Variants in HNRNPD observed in about 807,000 individuals in gnomAD.
The protein encoded by HNRNPD is heterogeneous nuclear ribonucleoprotein D0.
HNRNPD carries 3 observed loss-of-function variants against 47.9 expected under a neutral mutation model. The observed-to-expected ratio is 0.06, with a 90% CI of 0.03 to 0.16. The LOEUF (loss-of-function observed/expected upper bound fraction) is 0.16. Ranked by LOEUF, HNRNPD falls within the 10% of genes least tolerant of loss-of-function variation. HNRNPD has a pLI of 1.00. For missense variants in HNRNPD, 287 were observed against 454.2 expected, an observed-to-expected ratio of 0.63 and a Z score of 3.35; for synonymous variants, 171 against 165.1, an observed-to-expected ratio of 1.04 and a Z score of -0.28.
In HNRNPD at chr4:82,364,403, G is replaced by A. The variant is rs543744554; in HGVS notation, c.291-4764C>T. 7.2e-5 allele frequency among the ~76,000 whole-genome samples: 11 copies of A among 152,316 alleles called. No individual in the cohort carries two copies. In the East Asian group the frequency reaches 1.5e-3, roughly 21 times the overall value. Reference sequence around the variant, plus strand: ...TAACACACTTAAAGGACACAGAATAGTCTGACACACATCCTAAATGATTGA... The same window carrying A: ...TAACACACTTAAAGGACACAGAATAATCTGACACACATCCTAAATGATTGA... On this transcript the variant is annotated intron_variant, in intron 2 of 8. Transcript: ENST00000313899.
Position 82,373,726 on chromosome 4 carries a change from C to G in HNRNPD, c.-48G>C. 7 of 1,529,906 alleles carry G rather than the reference C, an allele frequency of 4.6e-6. No individual in the cohort carries two copies. The highest frequency in any genetic ancestry group is 6.1e-6 in the Non-Finnish European group (7 of 1,145,040). 94.8% of individuals were successfully genotyped at this position (1,529,906 alleles called of 1,614,324 possible). A position where few individuals can be genotyped will look rare whatever the true frequency, so the allele number is the denominator to read the frequency against. On this transcript the variant is annotated 5_prime_UTR_variant, in exon 1 of 9. Transcript: ENST00000313899. ...CCGCCGAGACTACACCCGCCGCTGCCGCGAACCGAAACTAGCAGCAAAGTA... is the reference window on the plus strand; with the variant it reads ...CCGCCGAGACTACACCCGCCGCTGCGGCGAACCGAAACTAGCAGCAAAGTA...
intron 5 of HNRNPD, 131 bp downstream of exon 5, chr4:82,357,182 G>T: frequency 2.0e-6 from 2 of 986,860 alleles, no homozygotes; most frequent in Admixed American, 2.9e-5. Context: ...ACAAAAAGTT[G>T]GTCAATGGTA....
At chr4:82,357,592 C>T in intron 4 of HNRNPD, 148 bp from the exon 5 acceptor site, 2 of 593,818 alleles carry the variant, frequency 3.4e-6, no homozygotes, top group Non-Finnish European at 5.5e-6. Context: ...TTATTCTAAT[C>T]CTTTTAAGGA....
intron 1 of HNRNPD, among the ~76,000 whole-genome samples, chr4:82,372,064 G>A (rs1430595422): frequency 6.6e-6 from 1 of 151,810 alleles, no homozygotes. Flanking sequence ...CTCTTTCTCA[G>A]TAAAGGAAAT....
In HNRNPD at chr4:82,370,981, T is replaced by TATATACACAC. The variant is rs142474751; in HGVS notation, c.290+546_290+547insGTGTGTATAT. Among the ~76,000 whole-genome samples the TATATACACAC allele has an allele frequency of 7.9e-3, 1,183 of 149,446 alleles. 14 individuals carry two copies. Among genetic ancestry groups the TATATACACAC allele is most frequent in the African/African-American group, 0.026 (1,056 of 40,624 alleles). Reference sequence around the variant, plus strand: ...AGCCCACCTTTTAATGGTATATATATACACACACACACACACACACACACT... The same window carrying TATATACACAC: ...AGCCCACCTTTTAATGGTATATATATATATACACACACACACACACACACACACACACACT... On this transcript the variant is annotated intron_variant, in intron 2 of 8. Coordinates refer to ENST00000313899, the MANE Select transcript of HNRNPD (RefSeq NM_031370.3).
chr4:82,362,905 C>T (rs2109995135), intron 2 of HNRNPD, among the ~76,000 whole-genome samples: 1 of 152,134 alleles, frequency 6.6e-6, no homozygotes, highest in East Asian at 1.9e-4. Flanking sequence ...CAGCCCCAAA[C>T]TCTAACTTTA....
At chr4:82,371,898 GTTTAATT>G (rs1310368095) in intron 1 of HNRNPD, among the ~76,000 whole-genome samples, 1 of 152,082 alleles carries the variant, frequency 6.6e-6, no homozygotes, top group African/African-American at 2.4e-5. Flanking sequence ...AGTTGGTTCT[GTTTAATT>G]TTTAAAAGTT....
chr4:82,363,396 G>T (rs1058358), intron 2 of HNRNPD, among the ~76,000 whole-genome samples: 22 of 152,122 alleles, frequency 1.4e-4, no homozygotes, highest in Admixed American at 7.2e-4. Flanking sequence ...TTCTATGACT[G>T]TATCTTGCTT....
chr4:82,355,604 T>TA (rs1489867055), intron 7 of HNRNPD: 1 of 566,882 alleles, frequency 1.8e-6, no homozygotes, highest in African/African-American at 1.9e-5. Flanking sequence ...AATGAGCTGA[T>TA]TACTTGACTT....
rs1459127531 is a variant in HNRNPD at position 82,373,454 on chromosome 4, C to T, written c.225G>A (p.Glu75=). 2 of 1,572,952 alleles carry T rather than the reference C, an allele frequency of 1.3e-6. No individual in the cohort carries two copies. The highest frequency in any genetic ancestry group is 1.7e-6 in the Non-Finnish European group (2 of 1,157,830). Residue 75 remains glutamate (E), a synonymous_variant, in exon 1 of 9, where the codon GAG becomes GAA. Coordinates refer to ENST00000313899, the MANE Select transcript of HNRNPD (RefSeq NM_031370.3). Reference sequence around the variant, plus strand: ...GGATGCCCCTTACTCACCCTTCATCCTCCTCGTTCTTACTGGCGTCAATCT... The same window carrying T: ...GGATGCCCCTTACTCACCCTTCATCTTCCTCGTTCTTACTGGCGTCAATCT... ...GAKIDASKNE[E]DEGHSNSSPR...
chr4:82,371,938 C>G (rs766491990), intron 1 of HNRNPD, among the ~76,000 whole-genome samples: 4 of 152,096 alleles, frequency 2.6e-5, no homozygotes, highest in Non-Finnish European at 5.9e-5. Flanking sequence ...CACCACCACT[C>G]CCCCAAAACC....
At chr4:82,371,469 T>C in intron 2 of HNRNPD, 59 bp downstream of exon 2, 2 of 1,345,472 alleles carry the variant, frequency 1.5e-6, no homozygotes, top group Non-Finnish European at 2.1e-6. Flanking sequence ...ATACACAGCC[T>C]CTACATATTA....
At chr4:82,362,846 C>A (rs533398126) in intron 2 of HNRNPD, among the ~76,000 whole-genome samples, 7 of 152,172 alleles carry the variant, frequency 4.6e-5, no homozygotes, top group Non-Finnish European at 8.8e-5. Context: ...GTGATCCGCC[C>A]GCTCCAGCCT....
intron 1 of HNRNPD, chr4:82,373,227 G>T: frequency 1.4e-6 from 1 of 733,134 alleles, no homozygotes; most frequent in Non-Finnish European, 2.4e-6. Flanking sequence ...GGCTAAAGGT[G>T]GAAACGTGTG....
At chr4:82,372,653 G>A (rs2110006080) in intron 1 of HNRNPD, among the ~76,000 whole-genome samples, 1 of 152,284 alleles carries the variant, frequency 6.6e-6, no homozygotes, top group East Asian at 1.9e-4. Flanking sequence ...AGTGGGGTGG[G>A]GGAAGGGTAG....
intron 2 of HNRNPD, among the ~76,000 whole-genome samples, chr4:82,367,617 T>C (rs1475385925): frequency 2.0e-5 from 3 of 152,150 alleles, no homozygotes; most frequent in East Asian, 3.9e-4. Context: ...GGCTCTGTGG[T>C]AGTCTGAAGT....
intron 2 of HNRNPD, among the ~76,000 whole-genome samples, chr4:82,368,572 A>C (rs1461523037): frequency 6.6e-6 from 1 of 152,216 alleles, no homozygotes; most frequent in African/African-American, 2.4e-5. Flanking sequence ...CTTCGCTTAA[A>C]TGTTCATCTA....
chr4:82,371,543 G>A lies in HNRNPD; in HGVS notation c.275C>T (p.Ala92Val), dbSNP rs1189017615. Residue 92 changes from alanine (A) to valine (V), a missense_variant, in exon 2 of 9, where the codon GCA becomes GTA. Around this residue, in one of 5 missense-constraint regions of HNRNPD, gnomAD observed 161 missense variants for 137.1 expected, o/e 1.17. Coordinates refer to ENST00000313899, the MANE Select transcript of HNRNPD (RefSeq NM_031370.3). ...AAAGTTTTACCATTCTTCCCGCTGT[G>A]CCGTCGCTGCTTCAGAGTGTCGTGG... is the stretch of plus-strand genomic sequence containing the variant. ...SSPRHSEAAT[A>V]QREEWKMFIG... The A allele has an allele frequency of 6.2e-7, 1 of 1,613,122 alleles. No homozygotes were observed.
intron 1 of HNRNPD, chr4:82,373,023 T>C: frequency 2.4e-6 from 1 of 411,178 alleles, no homozygotes; most frequent in Non-Finnish European, 4.8e-6. Context: ...TAAACCTTAG[T>C]AATACAAACA....
Sources: allele counts gnomAD v4.1 joint callset (sites outside exome capture counted in the v4.1 genomes callset), GRCh38; gene constraint gnomAD v4.1.1; regional missense constraint gnomAD v4.1.1; transcripts MANE v1.5; gene names NCBI Gene and HGNC (gene_info 2026-07-23, HGNC 2026-07-21).